The following NCKAP5 variants were observed in gnomAD, a reference collection of about 807,000 sequenced individuals.
NCKAP5 encodes the protein nck-associated protein 5.
NCKAP5 carries 92 observed loss-of-function variants against 167.0 expected under a neutral mutation model. The observed-to-expected ratio is 0.55, with a 90% CI of 0.47 to 0.66. The LOEUF is 0.66. NCKAP5 is among the 30% of genes least tolerant of loss of function. NCKAP5 has a pLI of 0.00. For synonymous variants in NCKAP5, 891 were observed against 877.4 expected, an observed-to-expected ratio of 1.02 and a Z score of -0.27; for missense variants, 2,378 against 2,315.0, an observed-to-expected ratio of 1.03 and a Z score of -0.56.
chr2:133,578,114 C>G, the NCKAP5 span, among the ~76,000 whole-genome samples: 1 of 152,174 alleles, frequency 6.6e-6, no homozygotes, highest in Non-Finnish European at 1.5e-5. Context: ...ATACTAGTTG[C>G]CTAACACCAT....
intron 11 of NCKAP5, among the ~76,000 whole-genome samples, chr2:132,815,335 A>G (rs1039271207): frequency 1.3e-5 from 2 of 152,198 alleles, no homozygotes; most frequent in East Asian, 3.9e-4. Context: ...TCTTAGACTC[A>G]TTTGAGAAAC....
chr2:133,471,597 G>C (rs1455678157), intron 3 of NCKAP5, among the ~76,000 whole-genome samples: 1 of 152,154 alleles, frequency 6.6e-6, no homozygotes, highest in Non-Finnish European at 1.5e-5. Context: ...TATATACTTA[G>C]AAAGACACTG....
intron 8 of NCKAP5, among the ~76,000 whole-genome samples, chr2:132,950,222 T>C (rs2076142610): frequency 6.6e-6 from 1 of 152,260 alleles, no homozygotes; most frequent in Admixed American, 6.5e-5. Flanking sequence ...ACTGAACTAG[T>C]TCAAGATCCA....
chr2:133,343,186 G>A (rs759684966), intron 3 of NCKAP5, among the ~76,000 whole-genome samples: 2 of 152,164 alleles, frequency 1.3e-5, no homozygotes, highest in Non-Finnish European at 2.9e-5. Flanking sequence ...ATAAGGGACA[G>A]CACATTAAAC....
intron 3 of NCKAP5, among the ~76,000 whole-genome samples, chr2:133,427,020 G>T (rs1449330741): frequency 1.3e-5 from 2 of 152,206 alleles, no homozygotes; most frequent in Non-Finnish European, 2.9e-5. Flanking sequence ...TGCAGCATTT[G>T]AGCTGAGAGT....
chr2:133,453,692 G>T (rs989813417), intron 3 of NCKAP5, among the ~76,000 whole-genome samples: 1 of 152,004 alleles, frequency 6.6e-6, no homozygotes, highest in African/African-American at 2.4e-5. Flanking sequence ...AAAATGAAAG[G>T]TTATATATCC....
intron 6 of NCKAP5, among the ~76,000 whole-genome samples, chr2:133,037,707 G>A (rs554169644): frequency 6.6e-6 from 1 of 152,080 alleles, no homozygotes; most frequent in African/African-American, 2.4e-5. Context: ...TAAATATTGG[G>A]GAAAATCTCC....
At chr2:132,981,051 T>G (rs900969221) in intron 7 of NCKAP5, among the ~76,000 whole-genome samples, 1 of 152,138 alleles carries the variant, frequency 6.6e-6, no homozygotes. Flanking sequence ...TAATTTAATG[T>G]GGAACAAAAT....
intron 5 of NCKAP5, among the ~76,000 whole-genome samples, chr2:133,163,020 T>C (rs1158449281): frequency 6.6e-6 from 1 of 152,140 alleles, no homozygotes; most frequent in Admixed American, 6.5e-5. Flanking sequence ...GAAACTCCAA[T>C]ATTCAGTTGC....
intron 5 of NCKAP5, among the ~76,000 whole-genome samples, chr2:133,195,522 A>T (rs1190976545): frequency 1.3e-5 from 2 of 152,168 alleles, no homozygotes; most frequent in African/African-American, 2.4e-5. Flanking sequence ...TTTGGATGAA[A>T]GTTCTCCATA....
the NCKAP5 span, among the ~76,000 whole-genome samples, chr2:133,587,160 C>T: frequency 7.9e-5 from 12 of 152,276 alleles, no homozygotes; most frequent in East Asian, 1.5e-3. Context: ...TCAGTCATCA[C>T]ATTTTTCAGA....
the NCKAP5 span, among the ~76,000 whole-genome samples, chr2:133,636,180 A>G: frequency 6.6e-6 from 1 of 152,236 alleles, no homozygotes; most frequent in Non-Finnish European, 1.5e-5. Context: ...AAGAATAGTC[A>G]TGAGGTCTGT....
chr2:132,812,604 G>A (rs529521597), intron 11 of NCKAP5, among the ~76,000 whole-genome samples: 4 of 152,270 alleles, frequency 2.6e-5, no homozygotes, highest in South Asian at 4.1e-4. Flanking sequence ...GGGAACTCTC[G>A]GCAGAGGGGT....
At chr2:133,671,875 C>G in the NCKAP5 span, among the ~76,000 whole-genome samples, 1 of 152,112 alleles carries the variant, frequency 6.6e-6, no homozygotes, top group Non-Finnish European at 1.5e-5. Context: ...TCTGCCTGCT[C>G]CCCCATTCCT....
At chr2:133,658,937 A>T in the NCKAP5 span, among the ~76,000 whole-genome samples, 2 of 152,026 alleles carry the variant, frequency 1.3e-5, no homozygotes, top group Admixed American at 6.6e-5. Context: ...GCTTTTAAAA[A>T]ATAAGAACTA....
At chr2:133,215,121 CA>C (rs1559277783) in intron 4 of NCKAP5, among the ~76,000 whole-genome samples, 10 of 152,246 alleles carry the variant, frequency 6.6e-5, no homozygotes, top group Admixed American at 1.3e-4. Flanking sequence ...CCTGTGAGTA[CA>C]CTTCTAAGAA....
intron 3 of NCKAP5, among the ~76,000 whole-genome samples, chr2:133,502,346 A>G (rs1201553286): frequency 1.3e-5 from 2 of 152,128 alleles, no homozygotes; most frequent in Non-Finnish European, 2.9e-5. Context: ...CTGTACCTCC[A>G]CACGAATGGT....
intron 16 of NCKAP5, among the ~76,000 whole-genome samples, chr2:132,746,223 A>G (rs1019377229): frequency 6.6e-6 from 1 of 152,152 alleles, no homozygotes; most frequent in African/African-American, 2.4e-5. Context: ...TCAGTGGAAC[A>G]GAACAGACAT....
At chr2:132,856,141 A>C (rs1689450158) in intron 11 of NCKAP5, among the ~76,000 whole-genome samples, 1 of 152,176 alleles carries the variant, frequency 6.6e-6, no homozygotes, top group African/African-American at 2.4e-5. Flanking sequence ...CAGTATGGGG[A>C]AAGTTCACTG....
Sources: allele counts gnomAD v4.1 joint callset (sites outside exome capture counted in the v4.1 genomes callset), GRCh38; gene constraint gnomAD v4.1.1; transcripts MANE v1.5; gene names NCBI Gene and HGNC (gene_info 2026-07-23, HGNC 2026-07-21).